Variants in CEP57 observed in about 807,000 individuals in gnomAD.
CEP57 encodes centrosomal protein of 57 kDa.
Under a neutral mutation model 68.0 loss-of-function variants are expected in CEP57, and 40 were observed. The observed-to-expected ratio is 0.59, with a 90% CI of 0.46 to 0.77. CEP57 has a LOEUF of 0.77. Ranked by LOEUF, CEP57 falls within the 30% of genes least tolerant of loss-of-function variation. CEP57 has a pLI of 0.00. For synonymous variants in CEP57, 219 were observed against 198.7 expected (o/e 1.10, Z -0.86); for missense variants, 606 against 580.7 (o/e 1.04, Z -0.45).
Position 95,813,708 on chromosome 11 carries a change from T to C in CEP57, c.504+119T>C, listed in dbSNP as rs889883824. The C allele has an allele frequency of 9.1e-6, 11 of 1,206,148 alleles. No homozygotes were observed. The African/African-American group carries it at 1.7e-4, about 18-fold the overall frequency. The allele number at this position is 1,206,148 out of a possible 1,614,324, so 74.7% of individuals were successfully genotyped here. A position where few individuals can be genotyped will look rare whatever the true frequency, so the allele number is the denominator to read the frequency against. On this transcript the variant is annotated intron_variant, in intron 4 of 10. Coordinates refer to ENST00000325542, the MANE Select transcript of CEP57 (RefSeq NM_014679.5). Reference sequence around the variant, plus strand: ...TGCTGTTACAGCCCAGGACTGAAATTTCTTGGCATCAGTTATGAAATCTAA... The same window carrying C: ...TGCTGTTACAGCCCAGGACTGAAATCTCTTGGCATCAGTTATGAAATCTAA...
intron 4 of CEP57, among the ~76,000 whole-genome samples, chr11:95,816,429 T>C (rs1862300400): frequency 6.6e-6 from 1 of 152,208 alleles, no homozygotes; most frequent in Non-Finnish European, 1.5e-5. Context: ...ATATTATTAT[T>C]ATGTCTGCTG....
chr11:95,831,182 A>T lies in CEP57; in HGVS notation c.1429A>T (p.Asn477Tyr). Residue 477 changes from asparagine to tyrosine, a missense_variant, in exon 11 of 11, where the codon AAT becomes TAT. Transcript: ENST00000325542. ...KLRPGEKRRKNLQLLKDMQSI... is the reference protein window; with the variant it reads ...KLRPGEKRRKYLQLLKDMQSI... ...GAGACCTGGAGAAAAAAGGAGAAAA[A>T]ATCTTCAGTTATTGAAGGACATGCA... is the stretch of plus-strand genomic sequence containing the variant. 6.2e-7 allele frequency: 1 copy of T among 1,613,552 alleles called. No homozygotes were observed. Among genetic ancestry groups the T allele is most frequent in the African/African-American group, 1.3e-5 (1 of 74,994 alleles).
intron 2 of CEP57, among the ~76,000 whole-genome samples, chr11:95,812,409 C>G (rs1250307476): frequency 6.6e-6 from 1 of 151,904 alleles, no homozygotes; most frequent in Non-Finnish European, 1.5e-5. Context: ...TTCAAACACT[C>G]AATGTCTTTT....
At chr11:95,808,391 C>T (rs1861904155) in intron 2 of CEP57, among the ~76,000 whole-genome samples, 1 of 151,980 alleles carries the variant, frequency 6.6e-6, no homozygotes, top group African/African-American at 2.4e-5. Context: ...TGTAAACAGG[C>T]TAAATGCTCC....
intron 1 of CEP57, chr11:95,794,072 CTT>C: frequency 3.1e-6 from 1 of 322,096 alleles, no homozygotes. Context: ...ATCCAGCATT[CTT>C]TTTTTAAAGC....
At position 95,799,277 on chromosome 11, in the gene CEP57, C is replaced by A; in HGVS notation, c.91C>A (p.His31Asn). ...AAGGTCTAATGGAAGCATGGTTCGG[C>A]ATTCTTCATCTCCATATGTAGTATA... Reference protein sequence around the residue: ...PSRSNGSMVRHSSSPYVVYPS... With the variant: ...PSRSNGSMVRNSSSPYVVYPS... Residue 31 changes from histidine (H) to asparagine (N), a missense_variant, in exon 2 of 11, where the codon CAT becomes AAT. Transcript: ENST00000325542. 6.2e-7 allele frequency: 1 copy of A among 1,614,108 alleles called. No homozygotes were observed. Among genetic ancestry groups the A allele is most frequent in the Non-Finnish European group, 8.5e-7 (1 of 1,179,976 alleles).
At chr11:95,799,521 A>G (rs1861485932) in intron 2 of CEP57, 133 bp downstream of exon 2, 2 of 1,068,610 alleles carry the variant, frequency 1.9e-6, no homozygotes, top group African/African-American at 1.6e-5. Context: ...CCCCCAGAAA[A>G]TATTATGCTT....
chr11:95,824,073 T>TAAAAA (rs71040119), intron 8 of CEP57, among the ~76,000 whole-genome samples: 1 of 112,658 alleles, frequency 8.9e-6, no homozygotes, highest in African/African-American at 3.4e-5. Flanking sequence ...AGGCCTATTG[T>TAAAAA]AAAAAAAAAA....
intron 10 of CEP57, 22 bp downstream of exon 10, chr11:95,829,353 C>G (rs1417863842): frequency 6.2e-7 from 1 of 1,601,178 alleles, no homozygotes; most frequent in East Asian, 2.2e-5. Flanking sequence ...TTCCTTCACT[C>G]AAGTTTCTAA....
intron 2 of CEP57, among the ~76,000 whole-genome samples, chr11:95,812,426 TTTA>T (rs1194813961): frequency 6.6e-6 from 1 of 152,058 alleles, no homozygotes; most frequent in Non-Finnish European, 1.5e-5. Flanking sequence ...TTTTTTTTAA[TTTA>T]TTATTATTTT....
chr11:95,791,624 G>A (rs116984540), intron 1 of CEP57, among the ~76,000 whole-genome samples: 1 of 152,190 alleles, frequency 6.6e-6, no homozygotes, highest in Non-Finnish European at 1.5e-5. Context: ...TGATTACTGC[G>A]CAGTATAGTT....
At chr11:95,817,235 C>T (rs1301210109) in intron 4 of CEP57, among the ~76,000 whole-genome samples, 8 of 151,916 alleles carry the variant, frequency 5.3e-5, no homozygotes, top group Non-Finnish European at 8.8e-5. Context: ...GGCGTGGTGG[C>T]GGGCGCCTAT....
rs762577426 is a variant in CEP57, at chr11:95,799,403, C to T, written c.202+15C>T. On this transcript the variant is annotated intron_variant, in intron 2 of 10. Coordinates refer to ENST00000325542, the MANE Select transcript of CEP57 (RefSeq NM_014679.5). Reference sequence around the variant, plus strand: ...CAACAGCAGAGGTAATCGAGCCTAACGAAATAAATGTTATTTGTGTTTTCT... The same window carrying T: ...CAACAGCAGAGGTAATCGAGCCTAATGAAATAAATGTTATTTGTGTTTTCT... 20 of 1,613,372 alleles carry T rather than the reference C, an allele frequency of 1.2e-5. No homozygotes were observed. The highest frequency in any genetic ancestry group is 1.6e-4 in the Middle Eastern group (1 of 6,078).
chr11:95,800,306 G>A (rs1861518477), intron 2 of CEP57, among the ~76,000 whole-genome samples: 2 of 152,042 alleles, frequency 1.3e-5, no homozygotes, highest in South Asian at 4.1e-4. Context: ...GACAGTCTTT[G>A]CTCCTAGAAA....
At chr11:95,827,538 A>T in intron 8 of CEP57, 1 of 473,098 alleles carries the variant, frequency 2.1e-6, no homozygotes, top group Non-Finnish European at 3.8e-6. Context: ...ATGATAGGAC[A>T]TGAGGCTAGG....
At chr11:95,812,772 A>G (rs1862122816) in intron 2 of CEP57, 160 bp from the exon 3 acceptor site, 4 of 718,384 alleles carry the variant, frequency 5.6e-6, no homozygotes, top group Non-Finnish European at 9.6e-6. Context: ...TTTTTAAAAA[A>G]CAAATATGAG....
intron 4 of CEP57, chr11:95,815,169 A>G (rs185668826): frequency 3.5e-4 from 54 of 152,346 alleles, no homozygotes; most frequent in Non-Finnish European, 6.3e-4. Context: ...CTTACCGTGT[A>G]TGCTTTCTAC....
intron 1 of CEP57, among the ~76,000 whole-genome samples, chr11:95,798,707 T>C (rs577605668): frequency 3.3e-4 from 50 of 152,236 alleles, no homozygotes; most frequent in Non-Finnish European, 6.0e-4. Flanking sequence ...GTTTTATGTT[T>C]GAGTGTTTGA....
At chr11:95,825,336 C>CT (rs1480618762) in intron 8 of CEP57, among the ~76,000 whole-genome samples, 1 of 151,980 alleles carries the variant, frequency 6.6e-6, no homozygotes, top group Non-Finnish European at 1.5e-5. Context: ...GGATTTATGA[C>CT]AAAGCCAATC....
Sources: gnomAD v4.1 joint callset for allele counts (sites outside exome capture counted in the v4.1 genomes callset) on GRCh38, gnomAD v4.1.1 for gene constraint, MANE v1.5 for transcripts, NCBI Gene and HGNC (gene_info 2026-07-23, HGNC 2026-07-21) for gene names.